EP400: variants seen among roughly 807,000 people sequenced by gnomAD.
EP400 encodes the protein E1A-binding protein p400.
A neutral mutation model predicts 354.1 loss-of-function variants in EP400; 105 were observed. The ratio of observed to expected loss-of-function variants is 0.30; its 90% CI spans 0.25 to 0.35. The LOEUF (loss-of-function observed/expected upper bound fraction) is 0.35. Among genes scored for constraint, EP400 ranks in the 10% least tolerant of loss-of-function variants. The pLI, the probability that EP400 is intolerant of heterozygous loss-of-function variation, is 1.00. For synonymous variants in EP400, 1,646 were observed against 1,716.9 expected (o/e 0.96, Z 1.02); for missense variants, 3,280 against 4,121.0 (o/e 0.80, Z 5.59).
intron 23 of EP400, 95 bp downstream of exon 23, chr12:132,021,416 C>T: frequency 1.4e-6 from 2 of 1,407,178 alleles, no homozygotes; most frequent in East Asian, 2.7e-5. Flanking sequence ...TTGCTGTCCA[C>T]TCCTTTGTCT....
intron 2 of EP400, among the ~76,000 whole-genome samples, chr12:131,978,027 C>T (rs1454367694): frequency 1.3e-5 from 2 of 152,144 alleles, no homozygotes; most frequent in African/African-American, 4.8e-5. Context: ...TAATTAAGTC[C>T]TTAGCATTTA....
chr12:131,951,091 G>T (rs10902483), intron 1 of EP400, among the ~76,000 whole-genome samples: 130,302 of 134,764 alleles, frequency 0.97, 62,920 homozygotes, highest in Middle Eastern at 0.99. Context: ...TTTTTTTTTG[G>T]ATTTTTAGTA....
intron 2 of EP400, among the ~76,000 whole-genome samples, chr12:131,973,742 A>G (rs1892375509): frequency 6.6e-6 from 1 of 152,216 alleles, no homozygotes; most frequent in African/African-American, 2.4e-5. Context: ...CTCCAGAAAT[A>G]AATCCAGAGT....
chr12:131,962,928 G>A (rs1048628216), intron 2 of EP400, among the ~76,000 whole-genome samples: 3 of 152,190 alleles, frequency 2.0e-5, no homozygotes, highest in Non-Finnish European at 4.4e-5. Context: ...GTCCTTACTG[G>A]TATCTATGGA....
chr12:132,066,897 C>G lies in EP400; in HGVS notation c.8677C>G (p.Pro2893Ala), dbSNP rs375236381. Reference protein sequence around the residue: ...VSVPAAVVSSPGVTTLPMNVA... With the variant: ...VSVPAAVVSSAGVTTLPMNVA... ...CGTCCCGGCAGCTGTGGTCTCCTCA[C>G]CGGGAGTCACCACCCTGCCCATGAA... Residue 2893 changes from proline to alanine, a missense_variant, in exon 49 of 53, where the codon CCG (proline) becomes GCG (alanine). Pro to Ala is a conservative substitution (Grantham distance 27, BLOSUM62 -1). Around this residue, in one of 20 missense-constraint regions of EP400, gnomAD observed 279 missense variants for 386.7 expected, o/e 0.72. Coordinates refer to ENST00000389561, the MANE Select transcript of EP400 (RefSeq NM_015409.5). The G allele has an allele frequency of 6.0e-5, 96 of 1,613,202 alleles. No homozygotes were observed. The highest frequency in any genetic ancestry group is 8.0e-5 in the Non-Finnish European group (94 of 1,179,734).
chr12:132,001,547 G>T (rs576956034), intron 12 of EP400, among the ~76,000 whole-genome samples: 2 of 152,314 alleles, frequency 1.3e-5, no homozygotes, highest in Admixed American at 1.3e-4. Context: ...GGGCCTGACT[G>T]ATGTCAGGGC....
intron 45 of EP400, among the ~76,000 whole-genome samples, chr12:132,056,855 C>T (rs986646659): frequency 6.6e-6 from 1 of 152,178 alleles, no homozygotes; most frequent in African/African-American, 2.4e-5. Flanking sequence ...AGAAAACAAG[C>T]AACTGTATAA....
chr12:132,049,849 A>G (rs1031087818), intron 39 of EP400, among the ~76,000 whole-genome samples: 2 of 152,232 alleles, frequency 1.3e-5, no homozygotes, highest in African/African-American at 4.8e-5. Context: ...GCCAGCCATA[A>G]GCACTGCTAG....
At chr12:132,033,322 T>G (rs1894587470) in intron 30 of EP400, among the ~76,000 whole-genome samples, 1 of 152,220 alleles carries the variant, frequency 6.6e-6, no homozygotes, top group Non-Finnish European at 1.5e-5. Context: ...TTACTGTATA[T>G]TTTTAAATTT....
chr12:132,029,694 T>C lies in EP400; in HGVS notation c.5382-7T>C. ...GGTGGTGACAAAACATGCTTTCTGC[T>C]CCTCAGGGTGGCCTTTGTGATTCCT... is the stretch of plus-strand genomic sequence containing the variant. On this transcript the variant is annotated splice_region_variant and splice_polypyrimidine_tract_variant and intron_variant, in intron 27 of 52. Coordinates refer to ENST00000389561, the MANE Select transcript of EP400 (RefSeq NM_015409.5). The surrounding 1 kb of genome is among the most constrained non-coding windows in gnomAD (Gnocchi z 4.7). 1 of 1,609,682 alleles carries C rather than the reference T, an allele frequency of 6.2e-7. No homozygotes were observed. Among genetic ancestry groups the C allele is most frequent in the Non-Finnish European group, 8.5e-7 (1 of 1,178,018 alleles).
chr12:132,032,284 T>C lies in EP400; in HGVS notation c.5951+135T>C, dbSNP rs1214712327. 3.0e-6 allele frequency: 3 copies of C among 984,662 alleles called. No individual in the cohort carries two copies. The African/African-American group carries it at 4.9e-5, about 16-fold the overall frequency. 61.0% of individuals were successfully genotyped at this position (984,662 alleles called of 1,614,324 possible). A position where few individuals can be genotyped will look rare whatever the true frequency, so the allele number is the denominator to read the frequency against. ...GAGATATTGGTGCAAGAAGCACTAATGCAGAAACAAAAGGTAGCACTAAAG... is the reference window on the plus strand; with the variant it reads ...GAGATATTGGTGCAAGAAGCACTAACGCAGAAACAAAAGGTAGCACTAAAG... On this transcript the variant is annotated intron_variant, in intron 30 of 52. Transcript: ENST00000389561.
intron 45 of EP400, among the ~76,000 whole-genome samples, chr12:132,059,630 G>A (rs1895621875): frequency 6.6e-6 from 1 of 152,192 alleles, no homozygotes; most frequent in African/African-American, 2.4e-5. Context: ...GAGAAGAGAA[G>A]GCATTATGAG....
chr12:132,023,853 G>A lies in EP400; in HGVS notation c.4767G>A (p.Pro1589=), dbSNP rs1271482618. 14 of 1,613,612 alleles carry A rather than the reference G, an allele frequency of 8.7e-6. No individual in the cohort carries two copies. Among genetic ancestry groups the A allele is most frequent in the Admixed American group, 8.3e-5 (5 of 59,958 alleles). Residue 1589 remains proline (P), a synonymous_variant, in exon 24 of 53, where the codon CCG becomes CCA. Coordinates refer to ENST00000389561, the MANE Select transcript of EP400 (RefSeq NM_015409.5). ...PQSRVAQPET[P]VTLQFQGSKF... The stretch of plus-strand genomic sequence containing the variant: ...GCCGCGTGGCTCAGCCAGAGACGCC[G>A]GTGACACTGCAGTTCCAGGGCAGCA...
chr12:131,963,182 C>T lies in EP400; in HGVS notation c.1335+1228C>T, dbSNP rs78956045. On this transcript the variant is annotated intron_variant, in intron 2 of 52. Transcript: ENST00000389561. Reference sequence around the variant, plus strand: ...AACTTCCTGCTGAAAAAGACCTTTGCCATTCTGACCCTACATATAACAGAG... The same window carrying T: ...AACTTCCTGCTGAAAAAGACCTTTGTCATTCTGACCCTACATATAACAGAG... 2.3e-3 allele frequency among the ~76,000 whole-genome samples: 357 copies of T among 152,298 alleles called. 2 individuals carry two copies. The highest frequency in any genetic ancestry group is 8.2e-3 in the African/African-American group (340 of 41,558).
intron 51 of EP400, among the ~76,000 whole-genome samples, chr12:132,074,423 T>C (rs1327514008): frequency 6.6e-6 from 1 of 152,060 alleles, no homozygotes; most frequent in East Asian, 1.9e-4. Flanking sequence ...TGCCTGTTAC[T>C]GAGACGTTGT....
intron 39 of EP400, among the ~76,000 whole-genome samples, chr12:132,048,424 C>T (rs928352179): frequency 6.6e-6 from 1 of 152,064 alleles, no homozygotes; most frequent in African/African-American, 2.4e-5. Context: ...TGTTCGGGGT[C>T]CCTGACTTCC....
At chr12:131,980,505 A>G (rs1472486644) in intron 3 of EP400, among the ~76,000 whole-genome samples, 1 of 152,114 alleles carries the variant, frequency 6.6e-6, no homozygotes, top group East Asian at 1.9e-4. Flanking sequence ...TAAGGATTGA[A>G]CATGTAGTCT....
At position 131,990,534 on chromosome 12, in the gene EP400, C is replaced by T; in HGVS notation, c.2551-102C>T. The T allele has an allele frequency of 1.2e-6, 1 of 867,186 alleles. No homozygotes were observed. Among genetic ancestry groups the T allele is most frequent in the Non-Finnish European group, 1.8e-6 (1 of 554,422 alleles). 53.7% of individuals were successfully genotyped at this position (867,186 alleles called of 1,614,324 possible). ...ACCAAACTGACGAGGCTGGAAAACA[C>T]TGTTTTCAGACTCTGCTTATGTGCT... is the stretch of plus-strand genomic sequence containing the variant. On this transcript the variant is annotated intron_variant, in intron 8 of 52. Coordinates refer to ENST00000389561, the MANE Select transcript of EP400 (RefSeq NM_015409.5). The surrounding 1 kb of genome is among the most constrained non-coding windows in gnomAD (Gnocchi z 4.2).
chr12:132,048,929 C>A (rs1428069484), intron 39 of EP400, among the ~76,000 whole-genome samples: 2 of 152,198 alleles, frequency 1.3e-5, no homozygotes, highest in African/African-American at 4.8e-5. Context: ...CAGTCTTAAC[C>A]TGTATTTTAG....
Sources: allele counts gnomAD v4.1 joint callset (sites outside exome capture counted in the v4.1 genomes callset), GRCh38; gene constraint gnomAD v4.1.1; regional missense constraint gnomAD v4.1.1; non-coding constraint Gnocchi (gnomAD v3.1); transcripts MANE v1.5; gene names NCBI Gene and HGNC (gene_info 2026-07-23, HGNC 2026-07-21).